The following TENM2 variants were observed in gnomAD, a reference collection of about 807,000 sequenced individuals.
The protein encoded by TENM2 is teneurin-2.
A neutral mutation model predicts 245.2 loss-of-function variants in TENM2; 52 were observed. That is an observed-to-expected ratio of 0.21 (90% confidence interval 0.17 to 0.27). The LOEUF (loss-of-function observed/expected upper bound fraction) is 0.27. Ranked by LOEUF, TENM2 falls within the 10% of genes least tolerant of loss-of-function variation. TENM2 has a pLI of 1.00. For synonymous variants in TENM2, 1,363 were observed against 1,438.9 expected, an observed-to-expected ratio of 0.95 and a Z score of 1.19; for missense variants, 3,046 against 3,666.8, an observed-to-expected ratio of 0.83 and a Z score of 4.37.
intron 2 of TENM2, among the ~76,000 whole-genome samples, chr5:167,544,407 C>T (rs1772414267): frequency 6.6e-6 from 1 of 152,044 alleles, no homozygotes; most frequent in Non-Finnish European, 1.5e-5. Flanking sequence ...CATAATAATA[C>T]CAGGGGCACA....
At chr5:167,594,774 C>T (rs1401705172) in intron 2 of TENM2, among the ~76,000 whole-genome samples, 2 of 152,138 alleles carry the variant, frequency 1.3e-5, no homozygotes, top group Non-Finnish European at 1.5e-5. Context: ...CGGGGATTGT[C>T]TGTCTTCGAT....
chr5:167,786,536 T>C (rs1035745720), intron 2 of TENM2, among the ~76,000 whole-genome samples: 1 of 152,210 alleles, frequency 6.6e-6, no homozygotes, highest in Admixed American at 6.5e-5. Context: ...TAAGATTGAA[T>C]CTCATTGAAT....
intron 2 of TENM2, among the ~76,000 whole-genome samples, chr5:167,743,293 T>C (rs1041924080): frequency 6.6e-6 from 1 of 152,206 alleles, no homozygotes; most frequent in Admixed American, 6.5e-5. Flanking sequence ...GCTTGGCCCC[T>C]ACTGTTTGCA....
intron 2 of TENM2, among the ~76,000 whole-genome samples, chr5:167,704,307 G>T (rs991227747): frequency 6.6e-6 from 1 of 151,936 alleles, no homozygotes; most frequent in African/African-American, 2.4e-5. Flanking sequence ...AATTCCTCTG[G>T]GTGTAATCTT....
intron 5 of TENM2, among the ~76,000 whole-genome samples, chr5:168,046,926 G>A (rs957795667): frequency 7.2e-5 from 11 of 152,186 alleles, no homozygotes; most frequent in African/African-American, 2.4e-4. Flanking sequence ...ATAGTTCAGA[G>A]CAGGTACCAG....
chr5:168,013,553 G>A (rs530854470), intron 5 of TENM2, among the ~76,000 whole-genome samples: 52 of 152,200 alleles, frequency 3.4e-4, no homozygotes, highest in Non-Finnish European at 6.3e-4. Flanking sequence ...GCAGTGAGCC[G>A]AGATCGTGCC....
At chr5:167,935,580 A>T (rs1215493719) in intron 3 of TENM2, among the ~76,000 whole-genome samples, 1 of 152,124 alleles carries the variant, frequency 6.6e-6, no homozygotes, top group African/African-American at 2.4e-5. Context: ...AATGAACGAG[A>T]GTGGCGGGTG....
chr5:168,000,223 C>T (rs566608743), intron 5 of TENM2, among the ~76,000 whole-genome samples: 2 of 152,332 alleles, frequency 1.3e-5, no homozygotes, highest in South Asian at 2.1e-4. Flanking sequence ...TGACATCTTT[C>T]GTTGGTTCAT....
chr5:167,654,917 G>C (rs549028294), intron 2 of TENM2, among the ~76,000 whole-genome samples: 5 of 152,238 alleles, frequency 3.3e-5, no homozygotes, highest in African/African-American at 7.2e-5. Flanking sequence ...CAGTGGTAAA[G>C]TTGCTTCCAA....
chr5:168,146,117 C>T (rs13174476), intron 12 of TENM2, among the ~76,000 whole-genome samples: 28,738 of 150,766 alleles, frequency 0.19, 3,381 homozygotes, highest in East Asian at 0.31. Flanking sequence ...ACAATCATGT[C>T]GTCTGCAAAC....
the TENM2 span, among the ~76,000 whole-genome samples, chr5:167,097,550 A>G: frequency 2.6e-5 from 4 of 152,218 alleles, no homozygotes; most frequent in African/African-American, 9.6e-5. Flanking sequence ...GGTAGTTGTT[A>G]TAATCCATTT....
chr5:168,240,022 A>C (rs758799247), intron 25 of TENM2, among the ~76,000 whole-genome samples: 5 of 152,176 alleles, frequency 3.3e-5, no homozygotes, highest in Non-Finnish European at 7.3e-5. Context: ...GTTTGAGACG[A>C]GCCTGACCAA....
rs35347108 is a variant in TENM2 at position 167,290,769 on chromosome 5, C to CA, written c.226+5720dup. 1.9e-3 allele frequency among the ~76,000 whole-genome samples: 229 copies of CA among 122,556 alleles called. 1 individual carries two copies. Among genetic ancestry groups the CA allele is most frequent in the East Asian group, 8.1e-3 (36 of 4,464 alleles). 80.4% of individuals were successfully genotyped at this position (122,556 alleles called of 152,430 possible). A position where few individuals can be genotyped will look rare whatever the true frequency, so the allele number is the denominator to read the frequency against. ...TTGCTAGTCAGACAATTTTACAAGT[C>CA]AAAAAAAAAAAAAATAGATTGGAAA... On this transcript the variant is annotated intron_variant, in intron 1 of 28. Transcript: ENST00000518659.
intron 2 of TENM2, among the ~76,000 whole-genome samples, chr5:167,806,239 ATAAT>A (rs1045267145): frequency 2.0e-5 from 3 of 152,178 alleles, no homozygotes; most frequent in African/African-American, 7.2e-5. Context: ...GACAACAATA[ATAAT>A]TAATGACAAG....
At chr5:167,424,571 T>A (rs1377805002) in intron 2 of TENM2, among the ~76,000 whole-genome samples, 1 of 152,202 alleles carries the variant, frequency 6.6e-6, no homozygotes, top group African/African-American at 2.4e-5. Context: ...CAGAATTCTA[T>A]CCAGATAGTT....
At chr5:167,914,237 A>G (rs1209490741) in intron 3 of TENM2, among the ~76,000 whole-genome samples, 1 of 152,200 alleles carries the variant, frequency 6.6e-6, no homozygotes, top group Non-Finnish European at 1.5e-5. Context: ...CACATTTATT[A>G]TCTGAGAGTT....
intron 9 of TENM2, among the ~76,000 whole-genome samples, chr5:168,116,172 C>T (rs1424937928): frequency 6.6e-6 from 1 of 152,170 alleles, no homozygotes; most frequent in East Asian, 1.9e-4. Flanking sequence ...TCTGTACAAA[C>T]TCCTCTGTTT....
intron 2 of TENM2, among the ~76,000 whole-genome samples, chr5:167,635,605 C>G (rs1005928039): frequency 1.4e-5 from 2 of 143,390 alleles, no homozygotes. Context: ...TCCCTAAATA[C>G]AAGGAATCTG....
At chr5:167,393,257 CTA>C (rs1761867047) in intron 2 of TENM2, among the ~76,000 whole-genome samples, 1 of 151,858 alleles carries the variant, frequency 6.6e-6, no homozygotes. Flanking sequence ...AAAGAAAAAA[CTA>C]TGCTATGTAG....
Sources: gnomAD v4.1 joint callset for allele counts (sites outside exome capture counted in the v4.1 genomes callset) on GRCh38, gnomAD v4.1.1 for gene constraint, MANE v1.5 for transcripts, NCBI Gene and HGNC (gene_info 2026-07-23, HGNC 2026-07-21) for gene names.